The following DIS3L2 variants were observed in gnomAD, a reference collection of about 807,000 sequenced individuals.
DIS3L2 encodes the protein DIS3-like exonuclease 2.
In DIS3L2, 34 loss-of-function variants were observed where a neutral mutation model predicts 97.5. The ratio of observed to expected loss-of-function variants is 0.35; its 90% CI spans 0.27 to 0.46. DIS3L2 has a LOEUF of 0.46. Among genes scored for constraint, DIS3L2 ranks in the 20% least tolerant of loss-of-function variants. DIS3L2 has a pLI of 1.00. For synonymous variants in DIS3L2, 435 were observed against 445.2 expected (o/e 0.98, Z 0.29); for missense variants, 1,038 against 1,146.0 (o/e 0.91, Z 1.36).
intron 5 of DIS3L2, among the ~76,000 whole-genome samples, chr2:232,068,405 C>T (rs1363235437): frequency 2.1e-5 from 1 of 48,700 alleles, no homozygotes; most frequent in Non-Finnish European, 3.7e-5. Flanking sequence ...GACCCTATTG[C>T]TACTAAAAAA....
rs1690389188 is a variant in DIS3L2 at position 232,153,760 on chromosome 2, T to G, written c.951-9699T>G. Among the ~76,000 whole-genome samples the G allele has an allele frequency of 2.0e-5, 3 of 151,192 alleles. No individual in the cohort carries two copies. In the South Asian group the frequency reaches 6.3e-4, roughly 32 times the overall value. ...TGAACGTTGGCTTGCCTTGCTAGAT[T>G]GGGGAAGTTCTCCTGGATAATATCC... On this transcript the variant is annotated intron_variant, in intron 8 of 20. Coordinates refer to ENST00000325385, the MANE Select transcript of DIS3L2 (RefSeq NM_152383.5).
chr2:231,969,600 T>C (rs1355995401), intron 1 of DIS3L2, among the ~76,000 whole-genome samples: 2 of 152,288 alleles, frequency 1.3e-5, no homozygotes, highest in Non-Finnish European at 2.9e-5. Flanking sequence ...CGTGAACCAC[T>C]GCGCCTGGCG....
intron 9 of DIS3L2, among the ~76,000 whole-genome samples, chr2:232,204,670 G>A (rs1202432197): frequency 6.6e-6 from 1 of 152,176 alleles, no homozygotes; most frequent in Non-Finnish European, 1.5e-5. Context: ...GGCAGGCCAG[G>A]CTGCTCCCTG....
chr2:231,983,561 GATGTAGGTT>G (rs1693320243), intron 1 of DIS3L2, among the ~76,000 whole-genome samples: 1 of 152,146 alleles, frequency 6.6e-6, no homozygotes, highest in African/African-American at 2.4e-5. Context: ...GCATGTGAGG[GATGTAGGTT>G]ATGTGCTCTT....
intron 5 of DIS3L2, among the ~76,000 whole-genome samples, chr2:232,054,841 A>T (rs1325615678): frequency 6.6e-6 from 1 of 152,222 alleles, no homozygotes; most frequent in Non-Finnish European, 1.5e-5. Context: ...ATAAACACAG[A>T]TACAAATATC....
chr2:232,301,391 CT>C (rs1694851720), intron 14 of DIS3L2, among the ~76,000 whole-genome samples: 1 of 152,212 alleles, frequency 6.6e-6, no homozygotes, highest in African/African-American at 2.4e-5. Context: ...AATATCCAGG[CT>C]GTTTAATTTT....
intron 8 of DIS3L2, among the ~76,000 whole-genome samples, chr2:232,148,861 A>G (rs939060160): frequency 8.2e-5 from 12 of 146,120 alleles, no homozygotes; most frequent in Non-Finnish European, 1.5e-4. Flanking sequence ...ACTAACAGCT[A>G]GAAATATTTC....
At chr2:232,237,737 GA>G in intron 10 of DIS3L2, among the ~76,000 whole-genome samples, 1 of 151,490 alleles carries the variant, frequency 6.6e-6, no homozygotes, top group Non-Finnish European at 1.5e-5. Context: ...GAAATGGTGG[GA>G]GGGGGGTAGA....
chr2:232,005,663 T>C (rs768279506), intron 1 of DIS3L2, among the ~76,000 whole-genome samples: 6 of 152,232 alleles, frequency 3.9e-5, no homozygotes, highest in Non-Finnish European at 7.3e-5. Flanking sequence ...TTGTTTACCC[T>C]GCAGAATCTA....
At chr2:231,975,261 G>T (rs900273081) in intron 1 of DIS3L2, among the ~76,000 whole-genome samples, 1 of 152,088 alleles carries the variant, frequency 6.6e-6, no homozygotes, top group African/African-American at 2.4e-5. Context: ...GAGGTCACTA[G>T]CATGAAGAGC....
downstream of DIS3L2, among the ~76,000 whole-genome samples, chr2:232,337,922 G>A (rs576973677): frequency 4.0e-5 from 6 of 151,098 alleles, no homozygotes; most frequent in East Asian, 1.2e-3. Flanking sequence ...CCAGGGCTCA[G>A]CCACCTCAGG....
chr2:232,001,538 TTAGTGGA>T (rs1383566250), intron 1 of DIS3L2, among the ~76,000 whole-genome samples: 1 of 149,454 alleles, frequency 6.7e-6, no homozygotes, highest in Non-Finnish European at 1.5e-5. Context: ...TCTTCTTAGC[TTAGTGGA>T]ATGCCATTTG....
Position 232,114,661 on chromosome 2 carries a change from C to T in DIS3L2, c.602-15958C>T, listed in dbSNP as rs975848522. ...GTAAGTGGACTATGATTGAATTACC[C>T]GAAGTAATCATTGTCCTATAATACC... On this transcript the variant is annotated intron_variant, in intron 6 of 20. Coordinates refer to ENST00000325385, the MANE Select transcript of DIS3L2 (RefSeq NM_152383.5). Among the ~76,000 whole-genome samples the T allele has an allele frequency of 7.2e-5, 11 of 152,004 alleles. 1 individual carries two copies. The highest frequency in any genetic ancestry group is 2.0e-4 in the Admixed American group (3 of 15,256).
intron 13 of DIS3L2, among the ~76,000 whole-genome samples, chr2:232,297,467 A>G (rs982804599): frequency 2.0e-5 from 3 of 152,328 alleles, no homozygotes; most frequent in African/African-American, 7.2e-5. Context: ...CAGGCATAAG[A>G]CACTCAGCTA....
chr2:232,261,769 A>G (rs537123313), intron 12 of DIS3L2, among the ~76,000 whole-genome samples: 21 of 152,288 alleles, frequency 1.4e-4, no homozygotes, highest in South Asian at 4.1e-4. Flanking sequence ...TCCAAGTGGC[A>G]TTGGACATAC....
At chr2:231,977,126 T>C (rs977854771) in intron 1 of DIS3L2, among the ~76,000 whole-genome samples, 1 of 152,210 alleles carries the variant, frequency 6.6e-6, no homozygotes. Context: ...AATACTGCAC[T>C]GAAAGTGAAA....
At chr2:232,170,353 C>G (rs1175964760) in intron 9 of DIS3L2, among the ~76,000 whole-genome samples, 1 of 151,996 alleles carries the variant, frequency 6.6e-6, no homozygotes, top group Non-Finnish European at 1.5e-5. Context: ...GGGAAAATAC[C>G]ACACTAAACC....
In DIS3L2 at chr2:232,087,503, G is replaced by A. The variant is rs371686606; in HGVS notation, c.383G>A (p.Ser128Asn). The A allele has an allele frequency of 6.2e-7, 1 of 1,612,734 alleles. No individual in the cohort carries two copies. Among genetic ancestry groups the A allele is most frequent in the Non-Finnish European group, 8.5e-7 (1 of 1,179,356 alleles). Residue 128 changes from serine to asparagine, a missense_variant, in exon 6 of 21, where the codon AGC becomes AAC. By Grantham distance (46) the Ser-to-Asn change is conservative. This residue lies in a region of DIS3L2 where 813 missense variants were observed against 880.1 expected (regional missense o/e 0.92). Transcript: ENST00000325385. ...EEHWKVVKPE[S>N]NDKETEAAYE... ...TTTCTTTAGGTAGTTAAACCAGAGAGCAATGACAAAGAAACAGAAGCTGCG... is the reference window on the plus strand; with the variant it reads ...TTTCTTTAGGTAGTTAAACCAGAGAACAATGACAAAGAAACAGAAGCTGCG...
chr2:232,154,276 G>A (rs1286709888), intron 8 of DIS3L2, among the ~76,000 whole-genome samples: 1 of 9,996 alleles, frequency 1.0e-4, no homozygotes, highest in Non-Finnish European at 2.3e-4. Context: ...GAGGAGAGGC[G>A]CTCTGCGTTT....
Sources: allele counts gnomAD v4.1 joint callset (sites outside exome capture counted in the v4.1 genomes callset), GRCh38; gene constraint gnomAD v4.1.1; regional missense constraint gnomAD v4.1.1; transcripts MANE v1.5; gene names NCBI Gene and HGNC (gene_info 2026-07-23, HGNC 2026-07-21).